The following PCDHA7 variants were observed in gnomAD, a reference collection of about 807,000 sequenced individuals.
PCDHA7 encodes the protein protocadherin alpha 7.
A neutral mutation model predicts 57.2 loss-of-function variants in PCDHA7; 37 were observed. That is an observed-to-expected ratio of 0.65 (90% CI 0.50 to 0.85). The LOEUF (loss-of-function observed/expected upper bound fraction) is 0.85. PCDHA7 is among the 40% of genes least tolerant of loss of function. The pLI, the probability that PCDHA7 is intolerant of heterozygous loss-of-function variation, is 0.00. For synonymous variants in PCDHA7, 553 were observed against 558.8 expected (o/e 0.99, Z 0.15); for missense variants, 1,188 against 1,241.8 (o/e 0.96, Z 0.65).
At chr5:140,852,795 A>C in intron 1 of PCDHA7, 1 of 977,366 alleles carries the variant, frequency 1.0e-6, no homozygotes, top group African/African-American at 1.8e-5. Context: ...GATGCTACAG[A>C]TGTCATTTGT....
Position 141,010,254 on chromosome 5 carries a change from C to T in PCDHA7, c.*317C>T. Reference sequence around the variant, plus strand: ...GCCAGTGAGAGGTTGGACTCTCTGCCCTGTGCTCCGGGGATCCTGTCTTGA... The same window carrying T: ...GCCAGTGAGAGGTTGGACTCTCTGCTCTGTGCTCCGGGGATCCTGTCTTGA... On this transcript the variant is annotated 3_prime_UTR_variant, in exon 4 of 4. Transcript: ENST00000525929. The T allele has an allele frequency of 6.4e-7, 1 of 1,551,810 alleles. No individual in the cohort carries two copies. Among genetic ancestry groups the T allele is most frequent in the Non-Finnish European group, 8.7e-7 (1 of 1,147,018 alleles).
At chr5:140,862,185 A>G (rs561305480) in intron 1 of PCDHA7, 1 of 166,788 alleles carries the variant, frequency 6.0e-6, no homozygotes, top group South Asian at 1.6e-4. Flanking sequence ...TGACACAGGC[A>G]ATTCCCCAAT....
At chr5:140,892,021 G>T (rs2063355611) in intron 1 of PCDHA7, among the ~76,000 whole-genome samples, 1 of 152,160 alleles carries the variant, frequency 6.6e-6, no homozygotes, top group Non-Finnish European at 1.5e-5. Context: ...AGCACAAATG[G>T]TCTAAGATAC....
intron 1 of PCDHA7, among the ~76,000 whole-genome samples, chr5:140,970,048 G>T (rs561588022): frequency 6.6e-6 from 1 of 152,296 alleles, no homozygotes; most frequent in African/African-American, 2.4e-5. Flanking sequence ...TTGTCTGGTT[G>T]GTCCAGGGAG....
intron 1 of PCDHA7, among the ~76,000 whole-genome samples, chr5:140,952,639 G>C (rs2094775564): frequency 6.6e-6 from 1 of 152,102 alleles, no homozygotes; most frequent in Non-Finnish European, 1.5e-5. Flanking sequence ...ATTCCAACCT[G>C]TGCCTGGTTA....
Position 140,836,400 on chromosome 5 carries a change from G to A in PCDHA7, c.2017G>A (p.Gly673Ser). ...ATVLVSLVES[G>S]QAPKASSRAS... ...CGTGCTGGTGTCGCTGGTGGAAAGC[G>A]GCCAGGCACCAAAGGCGTCGTCGCG... The change falls in exon 1 of 4, where the codon GGC (glycine) becomes AGC (serine). Residue 673 changes from glycine (G) to serine (S), a missense_variant. Physicochemically the swap from Gly to Ser is moderately conservative, Grantham distance 56. Coordinates refer to ENST00000525929, the MANE Select transcript of PCDHA7 (RefSeq NM_018910.3). 6.2e-7 allele frequency: 1 copy of A among 1,613,760 alleles called. No individual in the cohort carries two copies. Among genetic ancestry groups the A allele is most frequent in the South Asian group, 1.1e-5 (1 of 91,074 alleles).
chr5:140,856,271 G>T lies in PCDHA7; in HGVS notation c.2355+19533G>T, dbSNP rs782472888. On this transcript the variant is annotated intron_variant, in intron 1 of 3. Coordinates refer to ENST00000525929, the MANE Select transcript of PCDHA7 (RefSeq NM_018910.3). ...GTCCAAAAGACACGGGGACCTTCTG[G>T]AGGTAAATCTGCAGAATGGCATTTT... 7 of 1,598,148 alleles carry T rather than the reference G, an allele frequency of 4.4e-6. 1 individual carries two copies. The highest frequency in any genetic ancestry group is 6.0e-6 in the Non-Finnish European group (7 of 1,167,948).
intron 1 of PCDHA7, among the ~76,000 whole-genome samples, chr5:140,945,368 C>T (rs980832309): frequency 1.3e-5 from 2 of 151,844 alleles, no homozygotes; most frequent in African/African-American, 4.8e-5. Flanking sequence ...TTAAAATGTC[C>T]ATATTACCCA....
intron 1 of PCDHA7, among the ~76,000 whole-genome samples, chr5:140,943,553 CAAT>C (rs1554215748): frequency 6.6e-6 from 1 of 152,026 alleles, no homozygotes; most frequent in East Asian, 1.9e-4. Context: ...TAGACGTAGA[CAAT>C]AATCATTTTA....
In PCDHA7 at chr5:140,838,333, C is replaced by G. The variant is rs2150288073; in HGVS notation, c.2355+1595C>G. 4.4e-4 allele frequency among the ~76,000 whole-genome samples: 66 copies of G among 149,884 alleles called. 1 individual carries two copies. In the East Asian group the frequency reaches 0.012, roughly 26 times the overall value. ...GAAACAGAGTTTCACCATGTTGCCC[C>G]GGCTGGTCTCGAAATCTGGGACTCA... On this transcript the variant is annotated intron_variant, in intron 1 of 3. Transcript: ENST00000525929.
At chr5:140,857,661 A>ACTC (rs1554150470) in intron 1 of PCDHA7, 1 of 1,596,582 alleles carries the variant, frequency 6.3e-7, no homozygotes. Flanking sequence ...AGCGCGCGCG[A>ACTC]TGGGGGCGTG....
At chr5:140,946,925 C>T (rs1431365562) in intron 1 of PCDHA7, among the ~76,000 whole-genome samples, 1 of 151,242 alleles carries the variant, frequency 6.6e-6, no homozygotes, top group South Asian at 2.1e-4. Context: ...TTTTATTGAA[C>T]AGTAGAGTGT....
At chr5:141,003,123 T>C (rs1387983867) in intron 3 of PCDHA7, among the ~76,000 whole-genome samples, 1 of 152,240 alleles carries the variant, frequency 6.6e-6, no homozygotes, top group Non-Finnish European at 1.5e-5. Flanking sequence ...GGCCCTTTCC[T>C]GGCATTTGCC....
chr5:140,960,293 T>C (rs990761387), intron 1 of PCDHA7, among the ~76,000 whole-genome samples: 5 of 152,174 alleles, frequency 3.3e-5, no homozygotes, highest in Non-Finnish European at 7.3e-5. Flanking sequence ...ACCCAGTTTC[T>C]TCATCAATAC....
chr5:140,855,049 C>G (rs188702829), intron 1 of PCDHA7, among the ~76,000 whole-genome samples: 3 of 149,820 alleles, frequency 2.0e-5, no homozygotes, highest in South Asian at 2.1e-4. Context: ...TGTAATAGTA[C>G]TTTTCTGTTT....
chr5:140,842,784 C>A (rs1285950480), intron 1 of PCDHA7: 4 of 1,594,370 alleles, frequency 2.5e-6, no homozygotes, highest in Non-Finnish European at 3.4e-6. Context: ...CAGGAGAACG[C>A]GCTGGTGTCC....
chr5:140,885,053 A>T (rs2060447405), intron 1 of PCDHA7, among the ~76,000 whole-genome samples: 1 of 152,248 alleles, frequency 6.6e-6, no homozygotes, highest in African/African-American at 2.4e-5. Flanking sequence ...ATGTATACAT[A>T]TACCCACAAG....
At chr5:140,841,306 GAAACGACT>G in intron 1 of PCDHA7, 2 of 1,580,012 alleles carry the variant, frequency 1.3e-6, no homozygotes, top group Non-Finnish European at 1.7e-6. Flanking sequence ...TTTCTGATAG[GAAACGACT>G]ATTTAACATG....
At chr5:140,934,129 T>G (rs150501213) in intron 1 of PCDHA7, among the ~76,000 whole-genome samples, 326 of 152,294 alleles carry the variant, frequency 2.1e-3, no homozygotes, top group African/African-American at 7.4e-3. Context: ...CTTTATTAAT[T>G]TATTTCCTTC....
Sources: gnomAD v4.1 joint callset for allele counts (sites outside exome capture counted in the v4.1 genomes callset) on GRCh38, gnomAD v4.1.1 for gene constraint, MANE v1.5 for transcripts, NCBI Gene and HGNC (gene_info 2026-07-23, HGNC 2026-07-21) for gene names.